TTC22: variants seen among roughly 807,000 people sequenced by gnomAD.
The protein encoded by TTC22 is tetratricopeptide repeat protein 22.
Under a neutral mutation model 48.2 loss-of-function variants are expected in TTC22, and 42 were observed. The ratio of observed to expected loss-of-function variants is 0.87; its 90% confidence interval spans 0.68 to 1.13. TTC22 has a LOEUF of 1.13. TTC22 is among the 50% of genes most tolerant of loss of function. TTC22 has a pLI of 0.00. For synonymous variants in TTC22, 345 were observed against 365.5 expected, an observed-to-expected ratio of 0.94 and a Z score of 0.64; for missense variants, 784 against 807.0, an observed-to-expected ratio of 0.97 and a Z score of 0.34.
chr1:54,791,823 G>A (rs1646354007), intron 1 of TTC22, among the ~76,000 whole-genome samples: 1 of 152,160 alleles, frequency 6.6e-6, no homozygotes, highest in Admixed American at 6.6e-5. Context: ...CCAAACCACA[G>A]TACATGATAG....
intron 3 of TTC22, 42 bp downstream of exon 3, chr1:54,787,668 AG>A: frequency 6.2e-6 from 9 of 1,463,108 alleles, no homozygotes; most frequent in Non-Finnish European, 8.6e-6. Flanking sequence ...GGCTGTTGGC[AG>A]GGGGCAGAGG....
At chr1:54,792,569 G>A (rs958119628) in intron 1 of TTC22, among the ~76,000 whole-genome samples, 2 of 152,166 alleles carry the variant, frequency 1.3e-5, no homozygotes, top group Admixed American at 6.5e-5. Context: ...GAGTAGCTGG[G>A]ATTACAGGCA....
At position 54,799,900 on chromosome 1, in the gene TTC22, C is replaced by T. The variant is rs1168668188; in HGVS notation, c.567+697G>A. On this transcript the variant is annotated intron_variant, in intron 1 of 6. Coordinates refer to ENST00000371276, the MANE Select transcript of TTC22 (RefSeq NM_001114108.2). ...ATGACAAAGCCTATGACATATGTAA[C>T]ATTACTATCTCCATCTTACAGGGAG... 2.0e-5 allele frequency among the ~76,000 whole-genome samples: 3 copies of T among 152,202 alleles called. No homozygotes were observed. In the East Asian group the frequency reaches 5.8e-4, roughly 29 times the overall value.
In TTC22 at chr1:54,800,688, A is replaced by G. The variant is rs1646427799; in HGVS notation, c.476T>C (p.Phe159Ser). 23 of 1,549,548 alleles carry G rather than the reference A, an allele frequency of 1.5e-5. No homozygotes were observed. Among genetic ancestry groups the G allele is most frequent in the South Asian group, 2.4e-5 (2 of 85,076 alleles). ...CTCTGGGCTGGCGCAGCCGACGTCGAAGCCATGCGCGTAGCCCTGCTCGGC... is the reference window on the plus strand; with the variant it reads ...CTCTGGGCTGGCGCAGCCGACGTCGGAGCCATGCGCGTAGCCCTGCTCGGC... The part of the protein sequence containing the change: ...CLAEQGYAHG[F>S]DVGCASPEER... Residue 159 changes from phenylalanine (F) to serine (S), a missense_variant, in exon 1 of 7, where the codon TTC becomes TCC. Physicochemically the swap from Phe to Ser is radical, Grantham distance 155 (BLOSUM62 -2). Coordinates refer to ENST00000371276, the MANE Select transcript of TTC22 (RefSeq NM_001114108.2).
intron 5 of TTC22, chr1:54,785,466 A>G: frequency 2.5e-6 from 1 of 397,420 alleles, no homozygotes; most frequent in Non-Finnish European, 5.0e-6. Flanking sequence ...CTGACCAGGA[A>G]TTGTAGAAGG....
intron 1 of TTC22, among the ~76,000 whole-genome samples, chr1:54,796,965 G>A (rs557241548): frequency 6.6e-5 from 10 of 152,310 alleles, no homozygotes; most frequent in Admixed American, 5.9e-4. Flanking sequence ...CTATTGAAGA[G>A]CAGTGGTGAA....
At chr1:54,783,592 A>G (rs1362892025) in intron 5 of TTC22, among the ~76,000 whole-genome samples, 1 of 152,242 alleles carries the variant, frequency 6.6e-6, no homozygotes, top group African/African-American at 2.4e-5. Flanking sequence ...TAAGTAGCTT[A>G]TATGTTTTGG....
rs758142666 is a variant in TTC22 at position 54,785,961 on chromosome 1, G to C, written c.1020+22C>G. Reference sequence around the variant, plus strand: ...CTCTGATTCCCAATGGCAGGGTATGGTGGGGCAGGAAGTTGACCCACCTTG... The same window carrying C: ...CTCTGATTCCCAATGGCAGGGTATGCTGGGGCAGGAAGTTGACCCACCTTG... On this transcript the variant is annotated intron_variant, in intron 5 of 6. Transcript: ENST00000371276. 3 of 1,605,552 alleles carry C rather than the reference G, an allele frequency of 1.9e-6. No homozygotes were observed. In the East Asian group the frequency reaches 6.7e-5, roughly 36 times the overall value.
At chr1:54,792,433 CTCTCTCTCTTTTTTTT>C (rs1646358790) in intron 1 of TTC22, among the ~76,000 whole-genome samples, 1 of 150,032 alleles carries the variant, frequency 6.7e-6, no homozygotes, top group African/African-American at 2.5e-5. Flanking sequence ...AATAGACTGT[CTCTCTCTCTTTTTTTT>C]TTTTTAGACG....
Position 54,800,672 on chromosome 1 carries a change from G to T in TTC22, c.492C>A (p.Ala164=). The change falls in exon 1 of 7, where the codon GCC becomes GCA. Residue 164 remains alanine, a synonymous_variant. Coordinates refer to ENST00000371276, the MANE Select transcript of TTC22 (RefSeq NM_001114108.2). ...GYAHGFDVGC[A]SPEERARGLA... ...GCCCCCGCGCACGCTCCTCTGGGCT[G>T]GCGCAGCCGACGTCGAAGCCATGCG... is the stretch of plus-strand genomic sequence containing the variant. 1.9e-6 allele frequency: 3 copies of T among 1,553,010 alleles called. No individual in the cohort carries two copies. The highest frequency in any genetic ancestry group is 2.6e-6 in the Non-Finnish European group (3 of 1,159,340).
At position 54,801,128 on chromosome 1, in the gene TTC22, G is replaced by A. The variant is rs927121344; in HGVS notation, c.36C>T (p.Asp12=). The change falls in exon 1 of 7, where the codon GAC becomes GAT. Residue 12 remains aspartate (D), a synonymous_variant. Coordinates refer to ENST00000371276, the MANE Select transcript of TTC22 (RefSeq NM_001114108.2). ...GGTAGTCCAGGTCGTCGATGAGGGC[G>A]TCTAGATCGTCGGCCACAGCCTCCA... ...AELEAVADDL[D]ALIDDLDYLP... is the part of the protein sequence containing the mutation. The A allele has an allele frequency of 4.3e-6, 7 of 1,611,246 alleles. No individual in the cohort carries two copies. Among genetic ancestry groups the A allele is most frequent in the Non-Finnish European group, 5.1e-6 (6 of 1,178,718 alleles).
At chr1:54,784,727 C>G in intron 5 of TTC22, 5 of 1,249,650 alleles carry the variant, frequency 4.0e-6, no homozygotes, top group Non-Finnish European at 5.2e-6. Flanking sequence ...AGATTTGCCA[C>G]TAGGTCATGT....
intron 5 of TTC22, among the ~76,000 whole-genome samples, chr1:54,783,102 T>G (rs1646275669): frequency 6.6e-6 from 1 of 152,180 alleles, no homozygotes; most frequent in African/African-American, 2.4e-5. Context: ...ACTTAGAGCA[T>G]TTACAAAGTT....
chr1:54,790,236 C>T (rs1646339596), intron 1 of TTC22, among the ~76,000 whole-genome samples: 1 of 152,188 alleles, frequency 6.6e-6, no homozygotes, highest in Non-Finnish European at 1.5e-5. Flanking sequence ...TCAAAATAGC[C>T]AGGCACAGTG....
intron 6 of TTC22, 107 bp downstream of exon 6, chr1:54,782,218 G>C (rs1646268274): frequency 8.7e-7 from 1 of 1,149,630 alleles, no homozygotes; most frequent in African/African-American, 1.6e-5. Flanking sequence ...ACTGTTATCA[G>C]GGAGTGAAAC....
At chr1:54,787,136 C>T in intron 3 of TTC22, 61 bp from the exon 4 acceptor site, 2 of 837,774 alleles carry the variant, frequency 2.4e-6, no homozygotes, top group Non-Finnish European at 1.8e-6. Flanking sequence ...AGGGAAGGGG[C>T]CATCCCCATC....
intron 2 of TTC22, 68 bp from the exon 3 acceptor site, chr1:54,787,894 C>A: frequency 6.6e-7 from 1 of 1,506,228 alleles, no homozygotes; most frequent in Non-Finnish European, 9.1e-7. Context: ...GCCAGCCCTG[C>A]CCAGGCCTGT....
rs202211408 is a variant in TTC22 at position 54,787,703 on chromosome 1, G to T, written c.739+8C>A. The T allele has an allele frequency of 5.6e-6, 9 of 1,605,360 alleles. No homozygotes were observed. In the East Asian group the frequency reaches 2.0e-4, roughly 36 times the overall value. On this transcript the variant is annotated splice_region_variant and intron_variant, in intron 3 of 6. Coordinates refer to ENST00000371276, the MANE Select transcript of TTC22 (RefSeq NM_001114108.2). ...GGCTGCTGTCCCACCCATCCCCCGG[G>T]TCCCCACCTCGGTGGCGGGGGTCCT...
chr1:54,793,662 G>A (rs935858827), intron 1 of TTC22, among the ~76,000 whole-genome samples: 1 of 151,550 alleles, frequency 6.6e-6, no homozygotes, highest in African/African-American at 2.4e-5. Flanking sequence ...TAACAGTCTC[G>A]ACTGAAACCT....
Sources: allele counts gnomAD v4.1 joint callset (sites outside exome capture counted in the v4.1 genomes callset), GRCh38; gene constraint gnomAD v4.1.1; transcripts MANE v1.5; gene names NCBI Gene and HGNC (gene_info 2026-07-23, HGNC 2026-07-21).